COPS2: variants seen among roughly 807,000 people sequenced by gnomAD.
COPS2 encodes COP9 signalosome subunit 2.
Under a neutral mutation model 66.1 loss-of-function variants are expected in COPS2, and 10 were observed. That is an observed-to-expected ratio of 0.15 (90% CI 0.09 to 0.26). COPS2 has a LOEUF of 0.26. Ranked by LOEUF, COPS2 falls within the 10% of genes least tolerant of loss-of-function variation. The pLI is 1.00. For synonymous variants in COPS2, 179 were observed against 171.3 expected (o/e 1.04, Z -0.35); for missense variants, 215 against 513.3 (o/e 0.42, Z 5.62).
At chr15:49,139,473 T>C (rs1191908745) in intron 4 of COPS2, 55 bp downstream of exon 4, 1 of 1,430,662 alleles carries the variant, frequency 7.0e-7, no homozygotes, top group Admixed American at 1.9e-5. Flanking sequence ...AACAAAGCCC[T>C]TACTATAAAT....
At position 49,144,250 on chromosome 15, in the gene COPS2, T is replaced by C; in HGVS notation, c.223A>G (p.Met75Val). 2 of 1,610,046 alleles carry C rather than the reference T, an allele frequency of 1.2e-6. No individual in the cohort carries two copies. The highest frequency in any genetic ancestry group is 1.7e-6 in the Non-Finnish European group (2 of 1,177,290). Residue 75 changes from methionine (M) to valine (V), a missense_variant, in exon 3 of 13, where the codon ATG (methionine) becomes GTG (valine). Transcript: ENST00000388901. ...GEWGFKALKQ[M>V]IKINFKLTNF... ...ACCAACTTGAAGTTAATCTTAATCA[T>C]TTGTTTCAGTGCTTTAAATCCCCAT...
At chr15:49,155,375 G>T in intron 1 of COPS2, 150 bp downstream of exon 1, 1 of 684,330 alleles carries the variant, frequency 1.5e-6, no homozygotes, top group Non-Finnish European at 2.5e-6. Context: ...CCCGGTGCGG[G>T]AACGGGGAGG....
In COPS2 at chr15:49,134,408, G is replaced by A; in HGVS notation, c.647C>T (p.Ala216Val). ...GATGTGAAGTGACTGTTCATAGAGT[G>A]CTTTAAGTTTTTTGTTATTTTTCTG... ...TAQKNNKKLKALYEQSLHIKS... is the reference protein window; with the variant it reads ...TAQKNNKKLKVLYEQSLHIKS... The change falls in exon 7 of 13, where the codon GCA (alanine) becomes GTA (valine). Residue 216 changes from alanine (A) to valine (V), a missense_variant. Physicochemically the swap from Ala to Val is moderately conservative, Grantham distance 64. Transcript: ENST00000388901. 1 of 1,613,544 alleles carries A rather than the reference G, an allele frequency of 6.2e-7. No homozygotes were observed. Among genetic ancestry groups the A allele is most frequent in the Non-Finnish European group, 8.5e-7 (1 of 1,179,878 alleles).
intron 1 of COPS2, among the ~76,000 whole-genome samples, chr15:49,151,552 TTAAAA>T (rs2084361849): frequency 6.6e-6 from 1 of 152,172 alleles, no homozygotes; most frequent in Non-Finnish European, 1.5e-5. Flanking sequence ...GACTGCGGAA[TTAAAA>T]CAGTTAGCTT....
chr15:49,133,737 T>A, intron 9 of COPS2, 22 bp downstream of exon 9: 2 of 1,554,146 alleles, frequency 1.3e-6, no homozygotes, highest in Non-Finnish European at 1.8e-6. Context: ...AAATTTACCT[T>A]AACTGAAATA....
At position 49,134,735 on chromosome 15, in the gene COPS2, A is replaced by C. The variant is rs150398768; in HGVS notation, c.541-221T>G. 6.3e-3 allele frequency among the ~76,000 whole-genome samples: 958 copies of C among 152,312 alleles called. 17 individuals are homozygous for C. The highest frequency in any genetic ancestry group is 0.022 in the African/African-American group (922 of 41,580). The stretch of plus-strand genomic sequence containing the variant: ...GTTATGAGATAAGGAAAAAGTAGCC[A>C]AAGGTTTTTTTTATAGTAGTCCTTC... On this transcript the variant is annotated intron_variant, in intron 6 of 12. Transcript: ENST00000388901.
In COPS2 at chr15:49,127,978, T is replaced by C. The variant is rs773157842; in HGVS notation, c.1304A>G (p.Asn435Ser). The C allele has an allele frequency of 6.2e-6, 10 of 1,613,930 alleles. No individual in the cohort carries two copies. Among genetic ancestry groups the C allele is most frequent in the Non-Finnish European group, 7.6e-6 (9 of 1,179,880 alleles). Reference sequence around the variant, plus strand: ...AGCCAGTTTACTGACTACAGCCTGGTTGAGAGAATTTAGTTGGTTGGTCCA... The same window carrying C: ...AGCCAGTTTACTGACTACAGCCTGGCTGAGAGAATTTAGTTGGTTGGTCCA... ...DKWTNQLNSLNQAVVSKLA is the reference protein window; with the variant it reads ...DKWTNQLNSLSQAVVSKLA Residue 435 changes from asparagine to serine, a missense_variant, in exon 13 of 13, where the codon AAC becomes AGC. Physicochemically the swap from Asn to Ser is conservative, Grantham distance 46. Around this residue, in one of 5 missense-constraint regions of COPS2, gnomAD observed 42 missense variants for 55.9 expected, o/e 0.75. Coordinates refer to ENST00000388901, the MANE Select transcript of COPS2 (RefSeq NM_004236.4).
In COPS2 at chr15:49,137,649, A is replaced by G. The variant is rs2084263209; in HGVS notation, c.373-212T>C. On this transcript the variant is annotated intron_variant, in intron 4 of 12. Transcript: ENST00000388901. Reference sequence around the variant, plus strand: ...AGTACCATGATGCGTTGTTTTATAGAACCCAGAAAATATTTCCCCATATAA... The same window carrying G: ...AGTACCATGATGCGTTGTTTTATAGGACCCAGAAAATATTTCCCCATATAA... 4.1e-6 allele frequency: 2 copies of G among 483,534 alleles called. 1 individual carries two copies. The highest frequency in any genetic ancestry group is 6.6e-5 in the South Asian group (2 of 30,394). 30.0% of individuals were successfully genotyped at this position (483,534 alleles called of 1,614,324 possible). A position where few individuals can be genotyped will look rare whatever the true frequency, so the allele number is the denominator to read the frequency against.
intron 3 of COPS2, among the ~76,000 whole-genome samples, chr15:49,143,671 T>C (rs987442312): frequency 2.6e-5 from 4 of 152,162 alleles, no homozygotes; most frequent in Non-Finnish European, 5.9e-5. Flanking sequence ...ACTAATCCTT[T>C]GTGGAAAAGT....
At chr15:49,143,138 A>G (rs1379091056) in intron 3 of COPS2, among the ~76,000 whole-genome samples, 1 of 152,230 alleles carries the variant, frequency 6.6e-6, no homozygotes, top group Non-Finnish European at 1.5e-5. Context: ...AGAGCTTCTG[A>G]GGCAGAGGAA....
intron 9 of COPS2, among the ~76,000 whole-genome samples, chr15:49,133,089 T>A (rs184144946): frequency 1.5e-4 from 23 of 151,022 alleles, no homozygotes; most frequent in African/African-American, 5.4e-4. Flanking sequence ...CCCGGGTTCA[T>A]GCCATTCTCC....
At chr15:49,133,701 T>A (rs911803792) in intron 9 of COPS2, 58 bp downstream of exon 9, 2 of 1,230,502 alleles carry the variant, frequency 1.6e-6, no homozygotes, top group Middle Eastern at 2.8e-4. Context: ...GTTTTCTCAC[T>A]CTTTCCTTTA....
chr15:49,139,959 A>G (rs1035363279), intron 3 of COPS2, among the ~76,000 whole-genome samples: 5 of 152,210 alleles, frequency 3.3e-5, no homozygotes, highest in African/African-American at 1.2e-4. Flanking sequence ...TACAATATTC[A>G]TAAGCCAAAA....
At chr15:49,152,781 C>A (rs1395878655) in intron 1 of COPS2, among the ~76,000 whole-genome samples, 1 of 152,046 alleles carries the variant, frequency 6.6e-6, no homozygotes, top group Non-Finnish European at 1.5e-5. Flanking sequence ...TGAGATTGTG[C>A]CACTGCACTC....
chr15:49,143,446 A>C (rs553328675), intron 3 of COPS2, among the ~76,000 whole-genome samples: 9 of 152,326 alleles, frequency 5.9e-5, no homozygotes, highest in African/African-American at 2.2e-4. Context: ...TCAATAATCC[A>C]GGTAAGAAAT....
rs1334241317 is a variant in COPS2 at position 49,123,657 on chromosome 15, T to A, written c.*4293A>T. On this transcript the variant is annotated 3_prime_UTR_variant, in exon 13 of 13. Coordinates refer to ENST00000388901, the MANE Select transcript of COPS2 (RefSeq NM_004236.4). ...ACGGAACAAAGTTGCCCCCGAATAGTAAGTACTTAAGAAATAATTTTTTCT... is the reference window on the plus strand; with the variant it reads ...ACGGAACAAAGTTGCCCCCGAATAGAAAGTACTTAAGAAATAATTTTTTCT... 1 of 152,212 alleles carries A rather than the reference T, an allele frequency of 6.6e-6. No homozygotes were observed. The highest frequency in any genetic ancestry group is 1.5e-5 in the Non-Finnish European group (1 of 68,028). 9.4% of individuals were successfully genotyped at this position (152,212 alleles called of 1,614,324 possible).
At chr15:49,150,558 A>G (rs987880969) in intron 1 of COPS2, among the ~76,000 whole-genome samples, 1 of 152,240 alleles carries the variant, frequency 6.6e-6, no homozygotes, top group African/African-American at 2.4e-5. Flanking sequence ...AAATAGACAA[A>G]TAAGTAAAAA....
At chr15:49,128,628 T>C (rs1203360874) in intron 12 of COPS2, 74 bp downstream of exon 12, 78 of 1,051,764 alleles carry the variant, frequency 7.4e-5, no homozygotes, top group East Asian at 9.9e-5. Flanking sequence ...AAGAATCCAA[T>C]TGTTACCTTT....
Position 49,122,731 on chromosome 15 carries a change from TTACGTA to T in COPS2, c.*5213_*5218del, listed in dbSNP as rs1166797766. On this transcript the variant is annotated 3_prime_UTR_variant, in exon 13 of 13. Transcript: ENST00000388901. ...ACACAGTAAATACTTAAGAAGTAGA[TTACGTA>T]TTTTTTATTACCAATAAGGAATGTG... 3 of 152,202 alleles carry T rather than the reference TTACGTA, an allele frequency of 2.0e-5. No individual in the cohort carries two copies. The highest frequency in any genetic ancestry group is 4.4e-5 in the Non-Finnish European group (3 of 68,024). 9.4% of individuals were successfully genotyped at this position (152,202 alleles called of 1,614,324 possible).
Sources: allele counts gnomAD v4.1 joint callset (sites outside exome capture counted in the v4.1 genomes callset), GRCh38; gene constraint gnomAD v4.1.1; regional missense constraint gnomAD v4.1.1; transcripts MANE v1.5; gene names NCBI Gene and HGNC (gene_info 2026-07-23, HGNC 2026-07-21).